The following SEC24A variants were observed in gnomAD, a reference collection of about 807,000 sequenced individuals.
The protein encoded by SEC24A is protein transport protein Sec24A.
SEC24A carries 93 observed loss-of-function variants against 129.4 expected under a neutral mutation model. The observed-to-expected ratio is 0.72, with a 90% CI of 0.61 to 0.85. The LOEUF is 0.85. Ranked by LOEUF, SEC24A falls within the 40% of genes least tolerant of loss-of-function variation. SEC24A has a pLI of 0.00. For missense variants in SEC24A, 1,264 were observed against 1,307.4 expected, an observed-to-expected ratio of 0.97 and a Z score of 0.51; for synonymous variants, 460 against 467.3, an observed-to-expected ratio of 0.98 and a Z score of 0.20.
At chr5:134,680,908 G>C (rs1468922478) in intron 8 of SEC24A, among the ~76,000 whole-genome samples, 1 of 152,104 alleles carries the variant, frequency 6.6e-6, no homozygotes, top group East Asian at 1.9e-4. Flanking sequence ...AGATCAGTGT[G>C]GCCAACACAG....
intron 7 of SEC24A, among the ~76,000 whole-genome samples, chr5:134,676,832 GTCTT>G (rs1220807691): frequency 6.6e-6 from 1 of 152,094 alleles, no homozygotes; most frequent in Non-Finnish European, 1.5e-5. Flanking sequence ...TGTTTGATCT[GTCTT>G]TAGGAAGTCG....
chr5:134,724,892 A>G (rs1752722766), intron 22 of SEC24A, 88 bp from the exon 23 acceptor site: 2 of 699,634 alleles, frequency 2.9e-6, no homozygotes, highest in Non-Finnish European at 5.2e-6. Flanking sequence ...AGTAAATGTT[A>G]TTAGGGTTAT....
chr5:134,664,614 T>C (rs540205548), intron 2 of SEC24A, among the ~76,000 whole-genome samples: 1 of 152,206 alleles, frequency 6.6e-6, no homozygotes, highest in Non-Finnish European at 1.5e-5. Flanking sequence ...TCATGCTGAG[T>C]TGGCCATGTA....
At chr5:134,682,242 CAAA>C (rs1318827249) in intron 8 of SEC24A, 128 bp from the exon 9 acceptor site, 17 of 420,654 alleles carry the variant, frequency 4.0e-5, no homozygotes, top group Non-Finnish European at 5.4e-5. Flanking sequence ...AACTCTGTCT[CAAA>C]AAAAAAAAAG....
At chr5:134,654,550 T>C (rs1343120467) in intron 1 of SEC24A, among the ~76,000 whole-genome samples, 1 of 151,964 alleles carries the variant, frequency 6.6e-6, no homozygotes, top group Non-Finnish European at 1.5e-5. Flanking sequence ...TGTGTATACA[T>C]ATTTCCTTTG....
chr5:134,723,546 A>T (rs1200873558), intron 21 of SEC24A, 21 bp from the exon 22 acceptor site: 2 of 1,376,788 alleles, frequency 1.5e-6, no homozygotes, highest in Non-Finnish European at 2.1e-6. Flanking sequence ...GTAATTGGAT[A>T]TTGTTGGTTT....
chr5:134,649,292 A>G, intron 1 of SEC24A, 119 bp downstream of exon 1: 1 of 693,070 alleles, frequency 1.4e-6, no homozygotes, highest in Non-Finnish European at 2.3e-6. Flanking sequence ...TCTGGCGCGG[A>G]TGGTGGTGGG....
chr5:134,668,454 G>A (rs1288200562), intron 3 of SEC24A, among the ~76,000 whole-genome samples: 3 of 152,102 alleles, frequency 2.0e-5, no homozygotes, highest in Non-Finnish European at 4.4e-5. Flanking sequence ...GGCCAGGTGC[G>A]GTGGCTCACG....
At chr5:134,713,770 C>T (rs1440928236) in intron 18 of SEC24A, among the ~76,000 whole-genome samples, 2 of 151,682 alleles carry the variant, frequency 1.3e-5, no homozygotes, top group African/African-American at 2.4e-5. Context: ...GTGGCTCACG[C>T]CTGTAATCCC....
chr5:134,718,247 C>A (rs982049145), intron 20 of SEC24A, 74 bp downstream of exon 20: 25 of 1,004,820 alleles, frequency 2.5e-5, no homozygotes, highest in Admixed American at 3.5e-5. Flanking sequence ...GGTTTCATTC[C>A]CTTTAATATC....
chr5:134,681,348 C>T (rs1197497859), intron 8 of SEC24A, among the ~76,000 whole-genome samples: 2 of 151,722 alleles, frequency 1.3e-5, no homozygotes, highest in Non-Finnish European at 2.9e-5. Context: ...TGCAGTGAAC[C>T]GAGATTGCAC....
intron 15 of SEC24A, 46 bp from the exon 16 acceptor site, chr5:134,703,713 G>A (rs1752069643): frequency 8.1e-7 from 1 of 1,230,228 alleles, no homozygotes; most frequent in Non-Finnish European, 1.2e-6. Context: ...GTAAATATCA[G>A]TATGTAGGTA....
chr5:134,664,632 C>T (rs555356120), intron 2 of SEC24A, among the ~76,000 whole-genome samples: 8 of 152,000 alleles, frequency 5.3e-5, no homozygotes, highest in East Asian at 1.9e-4. Context: ...GTACCTTGCC[C>T]CTTTGTTCCT....
At chr5:134,656,156 C>T (rs1462895205) in intron 1 of SEC24A, among the ~76,000 whole-genome samples, 1 of 149,176 alleles carries the variant, frequency 6.7e-6, no homozygotes, top group East Asian at 2.0e-4. Flanking sequence ...GATCTTGGCT[C>T]ACTGCAACCT....
chr5:134,721,129 C>A, intron 21 of SEC24A, 39 bp downstream of exon 21: 1 of 1,254,238 alleles, frequency 8.0e-7, no homozygotes, highest in Non-Finnish European at 1.1e-6. Flanking sequence ...AAGGGCATTT[C>A]AAAGTTGGCA....
chr5:134,677,496 G>T (rs1477112536), intron 7 of SEC24A, among the ~76,000 whole-genome samples: 2 of 144,384 alleles, frequency 1.4e-5, no homozygotes, highest in African/African-American at 2.6e-5. Context: ...AAGAAGCAGA[G>T]TCTTAACTGC....
At chr5:134,678,756 ATTT>A (rs1751158054) in intron 7 of SEC24A, among the ~76,000 whole-genome samples, 1 of 151,920 alleles carries the variant, frequency 6.6e-6, no homozygotes, top group Non-Finnish European at 1.5e-5. Context: ...TAATTTTTGT[ATTT>A]TTAGTATAGA....
At chr5:134,675,368 T>TAA in intron 6 of SEC24A, 151 bp downstream of exon 6, 1 of 616,794 alleles carries the variant, frequency 1.6e-6, no homozygotes. Context: ...GTTTACTTAA[T>TAA]AGAGATTTGA....
intron 18 of SEC24A, among the ~76,000 whole-genome samples, chr5:134,714,358 G>A (rs749961550): frequency 2.0e-5 from 3 of 152,190 alleles, no homozygotes; most frequent in Non-Finnish European, 2.9e-5. Context: ...ACAGCAGGAG[G>A]TGACCAGTGG....
Sources: allele counts gnomAD v4.1 joint callset (sites outside exome capture counted in the v4.1 genomes callset), GRCh38; gene constraint gnomAD v4.1.1; transcripts MANE v1.5; gene names NCBI Gene and HGNC (gene_info 2026-07-23, HGNC 2026-07-21).